The following RBFOX1 variants were observed in gnomAD, a reference collection of about 807,000 sequenced individuals.
The protein encoded by RBFOX1 is RNA binding protein fox-1 homolog 1.
RBFOX1 carries 8 observed loss-of-function variants against 57.7 expected under a neutral mutation model. The ratio of observed to expected loss-of-function variants is 0.14; its 90% confidence interval spans 0.08 to 0.25. The LOEUF (loss-of-function observed/expected upper bound fraction) is 0.25. Ranked by LOEUF, RBFOX1 falls within the 10% of genes least tolerant of loss-of-function variation. The pLI is 1.00. For missense variants in RBFOX1, 611 were observed against 548.5 expected (o/e 1.11, Z -1.14); for synonymous variants, 326 against 222.4 (o/e 1.47, Z -4.15).
In RBFOX1 at chr16:7,569,585, C is replaced by T. The variant is rs755975851; in HGVS notation, c.271-10192C>T. The stretch of plus-strand genomic sequence containing the variant: ...GGTCATGTGATTAGCAACCTTAATT[C>T]TCCATTGCCATGTAAAGTATCCTAT... On this transcript the variant is annotated intron_variant, in intron 5 of 15. Transcript: ENST00000550418. Among the ~76,000 whole-genome samples the T allele has an allele frequency of 9.4e-4, 143 of 152,336 alleles. 1 individual carries two copies. Among genetic ancestry groups the T allele is most frequent in the Non-Finnish European group, 4.6e-4 (31 of 68,038 alleles).
At chr16:5,974,576 C>T (rs55784575) in intron 4 of RBFOX1, among the ~76,000 whole-genome samples, 3,381 of 152,154 alleles carry the variant, frequency 0.022, 48 homozygotes, top group Middle Eastern at 0.044. Flanking sequence ...CACCATTGCA[C>T]TTGAGCCTGG....
intron 3 of RBFOX1, among the ~76,000 whole-genome samples, chr16:6,980,807 C>G (rs562615277): frequency 6.6e-6 from 1 of 152,022 alleles, no homozygotes; most frequent in Admixed American, 6.6e-5. Flanking sequence ...CTTTGGGAGG[C>G]CAAGGCAGGC....
chr16:6,588,784 G>T (rs1399491784), intron 2 of RBFOX1, among the ~76,000 whole-genome samples: 1 of 152,146 alleles, frequency 6.6e-6, no homozygotes, highest in Non-Finnish European at 1.5e-5. Flanking sequence ...TTATTTCCCT[G>T]TCATTCAGTT....
chr16:6,637,019 A>G lies in RBFOX1; in HGVS notation c.-63-17584A>G, dbSNP rs546514150. Among the ~76,000 whole-genome samples, 964 of 114,164 alleles carry G rather than the reference A, an allele frequency of 8.4e-3. 16 individuals carry two copies. Among genetic ancestry groups the G allele is most frequent in the African/African-American group, 0.032 (901 of 28,314 alleles). 74.9% of individuals were successfully genotyped at this position (114,164 alleles called of 152,430 possible). ...GTATAAAATATGTATAAATATGTGT[A>G]TAAACATTTATATGGATAAATTATG... On this transcript the variant is annotated intron_variant, in intron 2 of 15. Coordinates refer to ENST00000550418, the MANE Select transcript of RBFOX1 (RefSeq NM_018723.4).
intron 2 of RBFOX1, among the ~76,000 whole-genome samples, chr16:6,440,332 G>A (rs1446462323): frequency 1.3e-5 from 2 of 152,168 alleles, no homozygotes; most frequent in African/African-American, 2.4e-5. Context: ...GGGCCTGTGG[G>A]ATGGGAGAAG....
intron 1 of RBFOX1, among the ~76,000 whole-genome samples, chr16:5,394,881 C>T (rs369024730): frequency 1.5e-4 from 23 of 152,170 alleles, no homozygotes; most frequent in South Asian, 1.2e-3. Flanking sequence ...GGCATCTGCA[C>T]TTCATCTCTT....
At chr16:6,220,595 C>T (rs2097366216) in intron 1 of RBFOX1, among the ~76,000 whole-genome samples, 1 of 152,106 alleles carries the variant, frequency 6.6e-6, no homozygotes, top group Non-Finnish European at 1.5e-5. Context: ...TCTGAAAAGC[C>T]TGTTTTATTG....
At chr16:7,122,991 G>C (rs1023657284) in intron 4 of RBFOX1, among the ~76,000 whole-genome samples, 2 of 151,846 alleles carry the variant, frequency 1.3e-5, no homozygotes, top group Admixed American at 6.6e-5. Context: ...ACATCTGCAA[G>C]AAAGAAAGCT....
intron 3 of RBFOX1, among the ~76,000 whole-genome samples, chr16:5,802,569 G>A (rs1156272697): frequency 6.6e-6 from 1 of 152,264 alleles, no homozygotes; most frequent in African/African-American, 2.4e-5. Context: ...CCTACGGGGA[G>A]AAAGTTTTCA....
intron 4 of RBFOX1, among the ~76,000 whole-genome samples, chr16:7,318,117 G>A (rs1312329447): frequency 4.6e-5 from 7 of 152,012 alleles, no homozygotes; most frequent in African/African-American, 7.2e-5. Context: ...TGGTAGTGAC[G>A]GTGCTGATGG....
At chr16:6,891,588 C>G (rs2065438616) in intron 3 of RBFOX1, among the ~76,000 whole-genome samples, 1 of 152,212 alleles carries the variant, frequency 6.6e-6, no homozygotes, top group Non-Finnish European at 1.5e-5. Flanking sequence ...GCATAGCATT[C>G]CTCAGCACCA....
At chr16:6,120,320 A>G (rs953941525) in intron 1 of RBFOX1, among the ~76,000 whole-genome samples, 1 of 152,248 alleles carries the variant, frequency 6.6e-6, no homozygotes, top group African/African-American at 2.4e-5. Flanking sequence ...ATCATGCAGT[A>G]GCTCTATGTT....
intron 1 of RBFOX1, among the ~76,000 whole-genome samples, chr16:5,425,464 G>C (rs2067530997): frequency 6.6e-6 from 1 of 152,122 alleles, no homozygotes; most frequent in South Asian, 2.1e-4. Flanking sequence ...TCTCCTCCCT[G>C]CCATAGCCCC....
At chr16:6,588,123 C>T (rs553443947) in intron 2 of RBFOX1, among the ~76,000 whole-genome samples, 33 of 151,688 alleles carry the variant, frequency 2.2e-4, no homozygotes, top group Admixed American at 1.1e-3. Flanking sequence ...CCCAGCTACT[C>T]GGGAGGCTGA....
At chr16:6,795,589 A>G (rs968409209) in intron 3 of RBFOX1, among the ~76,000 whole-genome samples, 2 of 151,972 alleles carry the variant, frequency 1.3e-5, no homozygotes, top group African/African-American at 4.8e-5. Context: ...AATGTGGTGA[A>G]ACCCTGTCTC....
intron 4 of RBFOX1, among the ~76,000 whole-genome samples, chr16:7,378,547 G>T (rs369157913): frequency 6.6e-6 from 1 of 152,186 alleles, no homozygotes; most frequent in Non-Finnish European, 1.5e-5. Context: ...CCAAGCCAGT[G>T]GCAACTCCAG....
intron 3 of RBFOX1, among the ~76,000 whole-genome samples, chr16:6,950,842 TTTTTC>T (rs1165944314): frequency 2.0e-5 from 3 of 152,098 alleles, no homozygotes; most frequent in African/African-American, 7.2e-5. Flanking sequence ...AGCTCTTTCT[TTTTTC>T]TTTCTTTCTC....
intron 2 of RBFOX1, among the ~76,000 whole-genome samples, chr16:5,589,597 T>A (rs777596996): frequency 3.4e-4 from 52 of 152,342 alleles, no homozygotes; most frequent in Middle Eastern, 3.4e-3. Flanking sequence ...TACGTGTTGA[T>A]GAAGGATCAC....
chr16:6,851,782 C>T (rs966467598), intron 3 of RBFOX1, among the ~76,000 whole-genome samples: 1 of 152,124 alleles, frequency 6.6e-6, no homozygotes, highest in East Asian at 1.9e-4. Context: ...CAGGTGGCAC[C>T]CGGACCCTTA....
Sources: allele counts gnomAD v4.1 joint callset (sites outside exome capture counted in the v4.1 genomes callset), GRCh38; gene constraint gnomAD v4.1.1; transcripts MANE v1.5; gene names NCBI Gene and HGNC (gene_info 2026-07-23, HGNC 2026-07-21).